Variants in ADGRL3 observed in about 807,000 individuals in gnomAD.
The protein encoded by ADGRL3 is adhesion G protein-coupled receptor L3.
Under a neutral mutation model 153.5 loss-of-function variants are expected in ADGRL3, and 62 were observed. The ratio of observed to expected loss-of-function variants is 0.40; its 90% CI spans 0.33 to 0.50. ADGRL3 has a LOEUF of 0.50. Among genes scored for constraint, ADGRL3 ranks in the 20% least tolerant of loss-of-function variants. ADGRL3 has a pLI of 0.47. For missense variants in ADGRL3, 1,641 were observed against 1,859.4 expected (o/e 0.88, Z 2.16); for synonymous variants, 710 against 672.5 (o/e 1.06, Z -0.86).
At chr4:62,016,053 CT>C (rs2099209839) in intron 21 of ADGRL3, among the ~76,000 whole-genome samples, 1 of 148,630 alleles carries the variant, frequency 6.7e-6, no homozygotes, top group South Asian at 2.1e-4. Context: ...TTTTCTTTTT[CT>C]TTTTCTCTTT....
At position 61,781,343 on chromosome 4, in the gene ADGRL3, A is replaced by G. The variant is rs187484763; in HGVS notation, c.1400-32466A>G. On this transcript the variant is annotated intron_variant, in intron 8 of 26. Transcript: ENST00000683033. ...AAAATTCTGCCTCCAAAAAAAAAAA[A>G]AAAAGAAAAGAAAAGAAAAAGAAAA... Among the ~76,000 whole-genome samples the G allele has an allele frequency of 1.4e-3, 215 of 151,666 alleles. 7 individuals carry two copies. The South Asian group carries it at 0.033, about 23-fold the overall frequency.
chr4:61,670,763 C>T (rs938729116), intron 5 of ADGRL3, among the ~76,000 whole-genome samples: 17 of 152,110 alleles, frequency 1.1e-4, no homozygotes, highest in African/African-American at 3.9e-4. Context: ...GTAAAGTTCC[C>T]CCCAGGGGTG....
intron 2 of ADGRL3, among the ~76,000 whole-genome samples, chr4:61,476,414 A>G (rs2098053933): frequency 6.6e-6 from 1 of 151,994 alleles, no homozygotes; most frequent in African/African-American, 2.4e-5. Context: ...TTTAGAAAAG[A>G]CAGGGTTTTG....
At chr4:61,823,641 G>GT (rs1336752874) in intron 9 of ADGRL3, among the ~76,000 whole-genome samples, 2 of 152,034 alleles carry the variant, frequency 1.3e-5, no homozygotes, top group Non-Finnish European at 2.9e-5. Flanking sequence ...CTTTATAAAG[G>GT]TAAGACAGAT....
chr4:61,305,513 C>T (rs1001296532), intron 1 of ADGRL3, among the ~76,000 whole-genome samples: 4 of 152,040 alleles, frequency 2.6e-5, no homozygotes, highest in African/African-American at 9.7e-5. Context: ...TGGGGCAAAC[C>T]TTTTCTAAAT....
intron 15 of ADGRL3, among the ~76,000 whole-genome samples, chr4:61,937,816 C>G (rs1177418782): frequency 6.6e-6 from 1 of 152,076 alleles, no homozygotes; most frequent in Non-Finnish European, 1.5e-5. Flanking sequence ...TGTGAACCTT[C>G]AGACGAAAAG....
intron 6 of ADGRL3, among the ~76,000 whole-genome samples, chr4:61,700,439 C>T (rs190648116): frequency 3.3e-5 from 5 of 152,112 alleles, no homozygotes; most frequent in Admixed American, 2.0e-4. Flanking sequence ...TATTACAAAA[C>T]GGTTTTATAG....
At chr4:61,642,787 A>G (rs2093747477) in intron 5 of ADGRL3, among the ~76,000 whole-genome samples, 1 of 152,240 alleles carries the variant, frequency 6.6e-6, no homozygotes, top group Admixed American at 6.5e-5. Context: ...TTTTGGTTCC[A>G]TATGAACTTT....
chr4:61,797,608 C>T (rs2097430379), intron 8 of ADGRL3, among the ~76,000 whole-genome samples: 1 of 152,132 alleles, frequency 6.6e-6, no homozygotes, highest in South Asian at 2.1e-4. Context: ...TTATCCTCAT[C>T]CTCATTTTCA....
chr4:61,989,269 G>T (rs570973689), intron 19 of ADGRL3, among the ~76,000 whole-genome samples: 1 of 151,936 alleles, frequency 6.6e-6, no homozygotes, highest in East Asian at 1.9e-4. Flanking sequence ...AATTCATAGA[G>T]AATCATATTT....
chr4:61,532,555 C>CGCGCGCGTGT (rs760218872), intron 4 of ADGRL3, among the ~76,000 whole-genome samples: 2 of 131,438 alleles, frequency 1.5e-5, no homozygotes, highest in Admixed American at 7.6e-5. Context: ...CGCGCGCGCG[C>CGCGCGCGTGT]GTGTGTGTGT....
rs1263796321 is a variant in ADGRL3 at position 61,200,487 on chromosome 4, G to C, written c.-1518G>C. 6.7e-6 allele frequency among the ~76,000 whole-genome samples: 1 copy of C among 150,346 alleles called. No homozygotes were observed. ...CAGGAGCGGGGATGCAGATGCTGCA[G>C]CTGGTCGGGGTGGGCGCCGCCGCCG... On this transcript the variant is annotated 5_prime_UTR_variant, in exon 1 of 27. Coordinates refer to ENST00000683033, the MANE Select transcript of ADGRL3 (RefSeq NM_001387552.1).
chr4:61,379,594 T>C (rs1022009922), intron 1 of ADGRL3, among the ~76,000 whole-genome samples: 2 of 152,074 alleles, frequency 1.3e-5, no homozygotes, highest in Non-Finnish European at 2.9e-5. Context: ...CAATAGTCTT[T>C]TAAAAACATG....
chr4:61,498,599 T>C (rs1411907777), intron 3 of ADGRL3, among the ~76,000 whole-genome samples: 2 of 152,116 alleles, frequency 1.3e-5, no homozygotes, highest in Non-Finnish European at 2.9e-5. Context: ...TAATGTGTGT[T>C]TTCACTTTTT....
At chr4:61,915,399 G>A (rs997706667) in intron 13 of ADGRL3, among the ~76,000 whole-genome samples, 3 of 151,458 alleles carry the variant, frequency 2.0e-5, no homozygotes, top group African/African-American at 7.3e-5. Flanking sequence ...ATCAAAAGCT[G>A]AAGATCATTT....
At chr4:61,456,064 C>T (rs2097732253) in intron 2 of ADGRL3, among the ~76,000 whole-genome samples, 1 of 151,840 alleles carries the variant, frequency 6.6e-6, no homozygotes, top group African/African-American at 2.4e-5. Context: ...TATCCACCCG[C>T]CTTGATCTCC....
intron 2 of ADGRL3, among the ~76,000 whole-genome samples, chr4:61,405,714 C>G (rs564240385): frequency 1.1e-4 from 17 of 151,976 alleles, no homozygotes; most frequent in Non-Finnish European, 2.1e-4. Flanking sequence ...TTTACCCTAA[C>G]TTTGCCAAAT....
chr4:61,279,683 C>T (rs1467982331), intron 1 of ADGRL3, among the ~76,000 whole-genome samples: 1 of 152,146 alleles, frequency 6.6e-6, no homozygotes, highest in East Asian at 1.9e-4. Context: ...GAGGACTTTA[C>T]ATGTCTCTGT....
chr4:61,712,320 A>T (rs2096010301), intron 6 of ADGRL3, among the ~76,000 whole-genome samples: 1 of 151,988 alleles, frequency 6.6e-6, no homozygotes, highest in African/African-American at 2.4e-5. Flanking sequence ...TTAAGCCTGG[A>T]AGGTTGAGGC....
Sources: gnomAD v4.1 joint callset for allele counts (sites outside exome capture counted in the v4.1 genomes callset) on GRCh38, gnomAD v4.1.1 for gene constraint, MANE v1.5 for transcripts, NCBI Gene and HGNC (gene_info 2026-07-23, HGNC 2026-07-21) for gene names.